The following SLC6A12 variants were observed in gnomAD, a reference collection of about 807,000 sequenced individuals.
SLC6A12 encodes the protein sodium- and chloride-dependent betaine transporter.
Under a neutral mutation model 73.3 loss-of-function variants are expected in SLC6A12, and 50 were observed. The ratio of observed to expected loss-of-function variants is 0.68; its 90% CI spans 0.54 to 0.86. The LOEUF (loss-of-function observed/expected upper bound fraction) is 0.86. Ranked by LOEUF, SLC6A12 falls within the 40% of genes least tolerant of loss-of-function variation. The probability of loss-of-function intolerance (pLI) is 0.00; values close to 1 mark genes in which losing one functional copy is unlikely to be tolerated. For missense variants in SLC6A12, 648 were observed against 772.8 expected, an observed-to-expected ratio of 0.84 and a Z score of 1.92; for synonymous variants, 304 against 309.2, an observed-to-expected ratio of 0.98 and a Z score of 0.18.
At chr12:186,265 CAGG>C (rs1182457639), downstream of SLC6A12, among the ~76,000 whole-genome samples, 1 of 152,154 alleles carries the variant, frequency 6.6e-6, no homozygotes, top group Non-Finnish European at 1.5e-5. Flanking sequence ...CTCAGCTGTC[CAGG>C]AGCACACTTG....
chr12:198,729 C>T lies in SLC6A12; in HGVS notation c.846+68G>A. On this transcript the variant is annotated intron_variant, in intron 8 of 15. Transcript: ENST00000684302. The surrounding 1 kb of genome is among the most constrained non-coding windows in gnomAD (Gnocchi z 4.0). ...AAACCAAGGAAAAAGCTATACAAGA[C>T]TTTCAAAACTACAGACCTGGCTGGG... is the stretch of plus-strand genomic sequence containing the variant. 6.8e-7 allele frequency: 1 copy of T among 1,476,588 alleles called. No homozygotes were observed. The allele number at this position is 1,476,588 out of a possible 1,614,324, so 91.5% of individuals were successfully genotyped here. A position where few individuals can be genotyped will look rare whatever the true frequency, so the allele number is the denominator to read the frequency against.
intron 7 of SLC6A12, among the ~76,000 whole-genome samples, chr12:200,275 A>G (rs560185376): frequency 1.3e-5 from 2 of 150,264 alleles, no homozygotes; most frequent in African/African-American, 2.5e-5. Flanking sequence ...CGCCCGGCTA[A>G]TTTTTTGTAT....
At chr12:205,661 CAT>C (rs901896514) in intron 3 of SLC6A12, among the ~76,000 whole-genome samples, 8 of 152,132 alleles carry the variant, frequency 5.3e-5, no homozygotes, top group African/African-American at 1.9e-4. Flanking sequence ...ATGTAGAAAA[CAT>C]AGAAAGTACA....
downstream of SLC6A12, among the ~76,000 whole-genome samples, chr12:187,083 T>G (rs572023701): frequency 6.6e-6 from 1 of 152,306 alleles, no homozygotes; most frequent in African/African-American, 2.4e-5. Flanking sequence ...GGGAAGACTG[T>G]GGCAAACTCC....
At chr12:209,032 A>G (rs931232764) in intron 3 of SLC6A12, among the ~76,000 whole-genome samples, 6 of 151,874 alleles carry the variant, frequency 4.0e-5, no homozygotes, top group African/African-American at 1.4e-4. Context: ...GATCCCTGTG[A>G]CCTCTCTGCC....
chr12:206,215 C>T (rs2137192617), intron 3 of SLC6A12, among the ~76,000 whole-genome samples: 1 of 152,342 alleles, frequency 6.6e-6, no homozygotes, highest in South Asian at 2.1e-4. Flanking sequence ...AAACTCTGTA[C>T]ACGTTAAACA....
At chr12:206,306 G>T (rs1940639603) in intron 3 of SLC6A12, among the ~76,000 whole-genome samples, 1 of 152,104 alleles carries the variant, frequency 6.6e-6, no homozygotes, top group African/African-American at 2.4e-5. Flanking sequence ...CCTATTCTAG[G>T]TACCTTATGA....
downstream of SLC6A12, among the ~76,000 whole-genome samples, chr12:189,782 G>A (rs1939515459): frequency 6.6e-6 from 1 of 152,172 alleles, no homozygotes; most frequent in East Asian, 1.9e-4. Flanking sequence ...GAAGAGGAGT[G>A]GGTGGGAAAC....
At chr12:205,819 C>T (rs1393988837) in intron 3 of SLC6A12, among the ~76,000 whole-genome samples, 1 of 152,188 alleles carries the variant, frequency 6.6e-6, no homozygotes, top group African/African-American at 2.4e-5. Context: ...CCGTAAACCT[C>T]TTCATGTCAG....
intron 3 of SLC6A12, 67 bp downstream of exon 3, chr12:209,706 C>A: frequency 6.4e-7 from 1 of 1,559,568 alleles, no homozygotes; most frequent in East Asian, 2.2e-5. Flanking sequence ...AAGGAGGGCC[C>A]AGGTAGGCAC....
At chr12:187,589 C>CAAAAAAA (rs761187495), downstream of SLC6A12, among the ~76,000 whole-genome samples, 38 of 106,036 alleles carry the variant, frequency 3.6e-4, no homozygotes, top group African/African-American at 1.2e-3. Flanking sequence ...TGCAAAAGAG[C>CAAAAAAA]AAAAAAAAAA....
intron 6 of SLC6A12, chr12:201,333 GGTGA>G (rs369090672): frequency 7.6e-4 from 163 of 215,372 alleles, no homozygotes; most frequent in African/African-American, 3.5e-3. Context: ...CAGGTGAGAG[GGTGA>G]GTGTGTGAGT....
rs1289494535 is a variant in SLC6A12, at chr12:198,014, C to A, written c.847-11G>T. On this transcript the variant is annotated splice_polypyrimidine_tract_variant and intron_variant, in intron 8 of 15. Transcript: ENST00000684302. This position sits in a 1 kb window ranked among gnomAD's most constrained non-coding sequence, Gnocchi z 4.0. ...CGCATCCATCCACACCTACACAAAA[C>A]CCCAAGAAAGAGGTAGAGGCAGCCC... is the stretch of plus-strand genomic sequence containing the variant. 1.2e-6 allele frequency: 2 copies of A among 1,612,118 alleles called. No individual in the cohort carries two copies. The highest frequency in any genetic ancestry group is 1.6e-4 in the Middle Eastern group (1 of 6,082).
At chr12:188,443 C>T (rs1325244002), downstream of SLC6A12, among the ~76,000 whole-genome samples, 2 of 151,768 alleles carry the variant, frequency 1.3e-5, no homozygotes, top group Non-Finnish European at 1.5e-5. Context: ...CCCCGCTTCC[C>T]GCCAGCGCCT....
chr12:196,409 G>T, intron 11 of SLC6A12, 148 bp from the exon 12 acceptor site: 1 of 916,748 alleles, frequency 1.1e-6, no homozygotes. Flanking sequence ...GCCCTGGGGT[G>T]AGCCAACCCT....
chr12:193,510 G>A (rs1037908258), intron 13 of SLC6A12, 133 bp from the exon 14 acceptor site: 25 of 626,652 alleles, frequency 4.0e-5, no homozygotes, highest in South Asian at 1.1e-4. Context: ...AACAGGGCAC[G>A]TGAGTGAGAC....
At position 198,051 on chromosome 12, in the gene SLC6A12, A is replaced by G. The variant is rs756870825; in HGVS notation, c.847-48T>C. On this transcript the variant is annotated intron_variant, in intron 8 of 15. Coordinates refer to ENST00000684302, the MANE Select transcript of SLC6A12 (RefSeq NM_001122848.3). This position sits in a 1 kb window ranked among gnomAD's most constrained non-coding sequence, Gnocchi z 4.0. ...GGTAGAGGCAGCCCCCAGGGCCCAG[A>G]GCCAGGGTGACCCGAGATCCAGACC... 6.6e-7 allele frequency: 1 copy of G among 1,521,636 alleles called. No individual in the cohort carries two copies. Among genetic ancestry groups the G allele is most frequent in the Non-Finnish European group, 9.1e-7 (1 of 1,097,198 alleles). The allele number at this position is 1,521,636 out of a possible 1,614,324, so 94.3% of individuals were successfully genotyped here.
intron 7 of SLC6A12, 143 bp downstream of exon 7, chr12:200,508 G>A (rs540733611): frequency 2.4e-6 from 2 of 830,304 alleles, no homozygotes; most frequent in African/African-American, 3.4e-5. Context: ...GGCTCCCCCT[G>A]TTCTCACTAG....
At chr12:185,038 C>T in the SLC6A12 span, among the ~76,000 whole-genome samples, 1 of 151,986 alleles carries the variant, frequency 6.6e-6, no homozygotes, top group African/African-American at 2.4e-5. Flanking sequence ...TTCTAGTTAC[C>T]AAGTGAAGGA....
Sources: allele counts gnomAD v4.1 joint callset (sites outside exome capture counted in the v4.1 genomes callset), GRCh38; gene constraint gnomAD v4.1.1; non-coding constraint Gnocchi (gnomAD v3.1); transcripts MANE v1.5; gene names NCBI Gene and HGNC (gene_info 2026-07-23, HGNC 2026-07-21).